The following SUGCT variants were observed in gnomAD, a reference collection of about 807,000 sequenced individuals.
SUGCT encodes the protein succinyl-CoA:glutarate-CoA transferase.
SUGCT carries 41 observed loss-of-function variants against 55.0 expected under a neutral mutation model. The observed-to-expected ratio is 0.74, with a 90% CI of 0.58 to 0.97. SUGCT has a LOEUF of 0.97. Ranked by LOEUF, SUGCT falls within the 50% of genes least tolerant of loss-of-function variation. The pLI, the probability that SUGCT is intolerant of heterozygous loss-of-function variation, is 0.00. For missense variants in SUGCT, 568 were observed against 547.8 expected, an observed-to-expected ratio of 1.04 and a Z score of -0.37; for synonymous variants, 187 against 200.4, an observed-to-expected ratio of 0.93 and a Z score of 0.56.
intron 1 of SUGCT, among the ~76,000 whole-genome samples, chr7:40,169,820 A>G (rs1222551775): frequency 2.0e-5 from 3 of 151,846 alleles, no homozygotes; most frequent in South Asian, 4.2e-4. Flanking sequence ...GCCAAGTTCA[A>G]TAGGGTTTCT....
intron 7 of SUGCT, among the ~76,000 whole-genome samples, chr7:40,270,377 T>C (rs572245257): frequency 1.3e-5 from 2 of 152,150 alleles, no homozygotes; most frequent in Non-Finnish European, 2.9e-5. Context: ...TATTTTCTTT[T>C]GTTATATAGT....
chr7:40,850,287 C>G (rs1793786942), intron 13 of SUGCT, among the ~76,000 whole-genome samples: 1 of 152,144 alleles, frequency 6.6e-6, no homozygotes, highest in Admixed American at 6.6e-5. Context: ...CTCTGTGACC[C>G]TGAGCAAGTG....
the SUGCT span, among the ~76,000 whole-genome samples, chr7:40,871,509 A>C: frequency 6.6e-6 from 1 of 152,236 alleles, no homozygotes; most frequent in Non-Finnish European, 1.5e-5. Context: ...GAACCTGCCC[A>C]TCTGAACCTT....
chr7:40,969,544 C>CG, the SUGCT span, among the ~76,000 whole-genome samples: 1 of 152,110 alleles, frequency 6.6e-6, no homozygotes, highest in South Asian at 2.1e-4. Flanking sequence ...TTTGTACTGA[C>CG]GGGGGTCCCA....
At chr7:40,340,437 G>A (rs1056055299) in intron 9 of SUGCT, among the ~76,000 whole-genome samples, 5 of 151,898 alleles carry the variant, frequency 3.3e-5, no homozygotes, top group Non-Finnish European at 5.9e-5. Context: ...TCAAATCAAC[G>A]TGTGCATTAA....
At chr7:40,329,941 A>C (rs1343513795) in intron 9 of SUGCT, among the ~76,000 whole-genome samples, 1 of 152,122 alleles carries the variant, frequency 6.6e-6, no homozygotes, top group South Asian at 2.1e-4. Flanking sequence ...CCTGGGAATG[A>C]TTTCCATTTT....
chr7:40,851,482 C>G (rs1455503223), intron 13 of SUGCT, among the ~76,000 whole-genome samples: 4 of 152,196 alleles, frequency 2.6e-5, no homozygotes, highest in Non-Finnish European at 5.9e-5. Flanking sequence ...ACACCTACCT[C>G]TGCATTTTGT....
chr7:40,664,765 G>T (rs537915545), intron 12 of SUGCT, among the ~76,000 whole-genome samples: 112 of 152,158 alleles, frequency 7.4e-4, no homozygotes, highest in Non-Finnish European at 1.3e-3. Flanking sequence ...CAGATCACGA[G>T]GTCAGGAGAT....
intron 7 of SUGCT, among the ~76,000 whole-genome samples, chr7:40,263,920 G>A (rs1277821430): frequency 6.6e-6 from 1 of 151,076 alleles, no homozygotes; most frequent in South Asian, 2.1e-4. Context: ...TTTTCTTCTG[G>A]TTTGTGGTTT....
intron 12 of SUGCT, chr7:40,683,913 A>C (rs868634901): frequency 1.9e-5 from 23 of 1,215,860 alleles, no homozygotes; most frequent in Middle Eastern, 2.2e-4. Context: ...TCACCAGGCT[A>C]AAATCAAGGT....
At chr7:40,722,043 G>T (rs1285276307) in intron 12 of SUGCT, among the ~76,000 whole-genome samples, 4 of 151,998 alleles carry the variant, frequency 2.6e-5, no homozygotes. Context: ...AGGAAAGCTG[G>T]CCTGTGTTTG....
intron 12 of SUGCT, among the ~76,000 whole-genome samples, chr7:40,736,928 G>C (rs1464791069): frequency 2.0e-5 from 3 of 152,100 alleles, no homozygotes; most frequent in Non-Finnish European, 4.4e-5. Context: ...ATAAAAAAAT[G>C]GGGATCAAAA....
chr7:40,824,999 G>T (rs1402833930), intron 13 of SUGCT, among the ~76,000 whole-genome samples: 1 of 152,180 alleles, frequency 6.6e-6, no homozygotes, highest in African/African-American at 2.4e-5. Context: ...ACTGCTTCAT[G>T]CAGTCTTTCA....
At chr7:40,623,412 C>A (rs1799368356) in intron 12 of SUGCT, among the ~76,000 whole-genome samples, 1 of 152,170 alleles carries the variant, frequency 6.6e-6, no homozygotes. Context: ...CCCTTAATTT[C>A]ACATGGCTAC....
the SUGCT span, among the ~76,000 whole-genome samples, chr7:41,008,249 A>T: frequency 6.6e-6 from 1 of 152,186 alleles, no homozygotes; most frequent in Admixed American, 6.5e-5. Context: ...AGGAGTTTCC[A>T]TGCAAGTGCT....
At chr7:40,489,112 T>C (rs1035980362) in intron 11 of SUGCT, among the ~76,000 whole-genome samples, 4 of 152,134 alleles carry the variant, frequency 2.6e-5, no homozygotes, top group African/African-American at 7.2e-5. Flanking sequence ...TTTAATGTGG[T>C]CTCATACCTC....
At chr7:40,597,978 T>A (rs1031068600) in intron 12 of SUGCT, among the ~76,000 whole-genome samples, 4 of 152,158 alleles carry the variant, frequency 2.6e-5, no homozygotes, top group African/African-American at 9.6e-5. Flanking sequence ...AGTGTATTAT[T>A]TTACCCAAAA....
intron 12 of SUGCT, among the ~76,000 whole-genome samples, chr7:40,612,452 C>T (rs2151773745): frequency 6.6e-6 from 1 of 152,300 alleles, no homozygotes; most frequent in Non-Finnish European, 1.5e-5. Flanking sequence ...AGCCACCACA[C>T]AAACAAGAAA....
At chr7:40,731,928 T>G (rs547547294) in intron 12 of SUGCT, among the ~76,000 whole-genome samples, 13 of 152,326 alleles carry the variant, frequency 8.5e-5, no homozygotes, top group African/African-American at 2.9e-4. Flanking sequence ...CTTTGTTTTT[T>G]AAATGGAGGG....
Sources: gnomAD v4.1 joint callset for allele counts (sites outside exome capture counted in the v4.1 genomes callset) on GRCh38, gnomAD v4.1.1 for gene constraint, MANE v1.5 for transcripts, NCBI Gene and HGNC (gene_info 2026-07-23, HGNC 2026-07-21) for gene names.